OPHN1: variants seen among roughly 807,000 people sequenced by gnomAD.
OPHN1 encodes the protein oligophrenin 1, also known as oligophrenin-1.
Under a neutral mutation model 60.7 loss-of-function variants are expected in OPHN1, and 11 were observed. The observed-to-expected ratio is 0.18, with a 90% confidence interval of 0.11 to 0.30. The LOEUF (loss-of-function observed/expected upper bound fraction) is 0.30, where lower values mean the gene tolerates loss of function less well. Ranked by LOEUF, OPHN1 falls within the 10% of genes least tolerant of loss-of-function variation. OPHN1 has a pLI of 1.00. For missense variants in OPHN1, 449 were observed against 611.0 expected (o/e 0.73, Z 2.80); for synonymous variants, 226 against 222.6 (o/e 1.02, Z -0.14).
intron 5 of OPHN1, among the ~76,000 whole-genome samples, chrX:68,251,063 G>C (rs1370838354): frequency 9.2e-6 from 1 of 109,151 alleles, no homozygotes; most frequent in East Asian, 2.9e-4. Flanking sequence ...TCAGGGCTTT[G>C]AAGAAATGGA....
chrX:68,111,137 G>A (rs1394577944), intron 18 of OPHN1, among the ~76,000 whole-genome samples: 2 of 112,367 alleles, frequency 1.8e-5, no homozygotes, highest in East Asian at 5.6e-4. Flanking sequence ...GAGGCCTCAA[G>A]AGTGACCTGT....
intron 15 of OPHN1, among the ~76,000 whole-genome samples, chrX:68,190,009 G>A (rs1462080141): frequency 6.4e-5 from 7 of 110,227 alleles, no homozygotes; most frequent in African/African-American, 2.0e-4. Flanking sequence ...GAGATGTTAC[G>A]TAACCAAAAG....
In OPHN1 at chrX:68,324,884, T is replaced by TAA. The variant is rs554739397; in HGVS notation, c.155-25790_155-25789dup. On this transcript the variant is annotated intron_variant, in intron 2 of 24. Transcript: ENST00000355520. The stretch of plus-strand genomic sequence containing the variant: ...TAAGGAGACCCCATATCCACAAAAG[T>TAA]AAAAAAAAAAAAAAAAATTTGATGG... Among the ~76,000 whole-genome samples the TAA allele has an allele frequency of 7.8e-3, 672 of 86,269 alleles. 14 individuals carry two copies. Among genetic ancestry groups the TAA allele is most frequent in the African/African-American group, 0.026 (633 of 24,044 alleles). 74.9% of individuals were successfully genotyped at this position (86,269 alleles called of 115,157 possible).
chrX:68,299,207 G>A, intron 2 of OPHN1, 111 bp from the exon 3 acceptor site: 1 of 461,150 alleles, frequency 2.2e-6, no homozygotes, highest in Non-Finnish European at 4.0e-6. Context: ...CTCTGAGCAG[G>A]TTGCAACTAG....
chrX:68,163,428 C>CTGTG lies in OPHN1; in HGVS notation c.1276+29487_1276+29490dup, dbSNP rs10549662. ...TTTTAAGGCTGAATGAAAATCCATT[C>CTGTG]TGTGTGTGTGTGTGTGTGTGTGTGT... On this transcript the variant is annotated intron_variant, in intron 15 of 24. Coordinates refer to ENST00000355520, the MANE Select transcript of OPHN1 (RefSeq NM_002547.3). 3.8e-3 allele frequency among the ~76,000 whole-genome samples: 327 copies of CTGTG among 85,276 alleles called. 1 individual carries two copies. The highest frequency in any genetic ancestry group is 5.5e-3 in the African/African-American group (115 of 20,998). 74.1% of individuals were successfully genotyped at this position (85,276 alleles called of 115,157 possible).
chrX:68,405,674 A>G (rs2078738911), intron 2 of OPHN1, among the ~76,000 whole-genome samples: 1 of 111,731 alleles, frequency 9.0e-6, no homozygotes, highest in Non-Finnish European at 1.9e-5. Context: ...GATCTTTATC[A>G]GGTCTAAGTG....
intron 3 of OPHN1, among the ~76,000 whole-genome samples, chrX:68,286,999 A>G (rs1004007490): frequency 9.4e-6 from 1 of 105,856 alleles, no homozygotes; most frequent in African/African-American, 3.5e-5. Flanking sequence ...TGGATGAGAG[A>G]GAGAGAAAGA....
At chrX:68,203,127 C>T (rs777229351) in intron 10 of OPHN1, among the ~76,000 whole-genome samples, 8 of 110,492 alleles carry the variant, frequency 7.2e-5, no homozygotes, top group Non-Finnish European at 1.1e-4. Flanking sequence ...CAGTGGTGGG[C>T]GCCTGTAATC....
In OPHN1 at chrX:68,321,230, C is replaced by T. The variant is rs1393868860; in HGVS notation, c.155-22134G>A. 2.7e-5 allele frequency among the ~76,000 whole-genome samples: 3 copies of T among 111,633 alleles called. No homozygotes were observed. In the Admixed American group the frequency reaches 2.9e-4, roughly 11 times the overall value. On this transcript the variant is annotated intron_variant, in intron 2 of 24. Transcript: ENST00000355520. ...GTGACCACCCCCTATCGTGACGCTA[C>T]CTAGAAGGTGCCAGGCATGGGTCCA...
At chrX:68,342,650 A>C (rs1038300599) in intron 2 of OPHN1, among the ~76,000 whole-genome samples, 8 of 112,530 alleles carry the variant, frequency 7.1e-5, no homozygotes. Context: ...TATATGAAAC[A>C]GACAATTCAG....
chrX:68,426,506 C>T (rs1204291195), intron 2 of OPHN1, among the ~76,000 whole-genome samples: 7 of 76,923 alleles, frequency 9.1e-5, no homozygotes, highest in Non-Finnish European at 1.4e-4. Flanking sequence ...TGGTTGTGCA[C>T]GTATATATGT....
intron 3 of OPHN1, among the ~76,000 whole-genome samples, chrX:68,290,760 G>C (rs774058634): frequency 2.8e-5 from 3 of 108,252 alleles, no homozygotes; most frequent in South Asian, 8.3e-4. Context: ...CTAGGTGACA[G>C]AGCCAAACCC....
At chrX:68,356,537 C>T (rs1455042700) in intron 2 of OPHN1, among the ~76,000 whole-genome samples, 1 of 110,420 alleles carries the variant, frequency 9.1e-6, no homozygotes, top group Non-Finnish European at 1.9e-5. Flanking sequence ...CTTGGCCTCC[C>T]GAGGAGCTGG....
chrX:68,432,845 C>T (rs2078892533), intron 2 of OPHN1, 22 bp downstream of exon 2: 1 of 1,209,165 alleles, frequency 8.3e-7, no homozygotes, highest in Non-Finnish European at 1.1e-6. Flanking sequence ...AGAGAAACAG[C>T]TCATCGAAGC....
At chrX:68,189,332 T>C (rs1355592401) in intron 15 of OPHN1, among the ~76,000 whole-genome samples, 6 of 112,251 alleles carry the variant, frequency 5.3e-5, no homozygotes, top group Admixed American at 9.4e-5. Context: ...GAAACAGAAC[T>C]CTTTTTTTAT....
intron 6 of OPHN1, among the ~76,000 whole-genome samples, chrX:68,220,910 T>C (rs1260212721): frequency 1.1e-3 from 75 of 65,606 alleles, no homozygotes; most frequent in African/African-American, 2.7e-3. Flanking sequence ...CTATTCAACA[T>C]AGTGTTGGAA....
intron 16 of OPHN1, among the ~76,000 whole-genome samples, 166 bp from the exon 17 acceptor site, chrX:68,113,405 T>C (rs1474115779): frequency 9.0e-6 from 1 of 111,716 alleles, no homozygotes; most frequent in Non-Finnish European, 1.9e-5. Context: ...AAGTTGCTAG[T>C]AATTCAACAA....
chrX:68,285,638 A>G (rs1263432736), intron 3 of OPHN1, among the ~76,000 whole-genome samples: 3 of 110,394 alleles, frequency 2.7e-5, no homozygotes, highest in African/African-American at 9.9e-5. Flanking sequence ...TGAGGTTCTC[A>G]TTCTGTATAT....
intron 2 of OPHN1, among the ~76,000 whole-genome samples, chrX:68,352,819 A>G (rs1479134907): frequency 8.9e-6 from 1 of 112,043 alleles, no homozygotes; most frequent in Non-Finnish European, 1.9e-5. Flanking sequence ...AAGAAGGGAA[A>G]AAAGTCATCC....
Sources: gnomAD v4.1 joint callset for allele counts (sites outside exome capture counted in the v4.1 genomes callset) on GRCh38, gnomAD v4.1.1 for gene constraint, MANE v1.5 for transcripts, NCBI Gene and HGNC (gene_info 2026-07-23, HGNC 2026-07-21) for gene names.